WDR17: variants seen among roughly 807,000 people sequenced by gnomAD.
WDR17 encodes WD repeat-containing protein 17.
WDR17 carries 143 observed loss-of-function variants against 161.7 expected under a neutral mutation model. That is an observed-to-expected ratio of 0.88 (90% CI 0.77 to 1.02). WDR17 has a LOEUF of 1.02. Ranked by LOEUF, WDR17 falls within the 50% of genes least tolerant of loss-of-function variation. The pLI is 0.00. For missense variants in WDR17, 1,469 were observed against 1,520.9 expected (o/e 0.97, Z 0.57); for synonymous variants, 517 against 515.6 (o/e 1.00, Z -0.04).
chr4:176,075,947 C>T (rs1733913261), intron 1 of WDR17, among the ~76,000 whole-genome samples: 1 of 151,838 alleles, frequency 6.6e-6, no homozygotes, highest in Non-Finnish European at 1.5e-5. Flanking sequence ...TGTACCCCAG[C>T]CTGAGTGTTG....
At position 176,135,283 on chromosome 4, in the gene WDR17, G is replaced by T; in HGVS notation, c.1267+7G>T. 3.7e-6 allele frequency: 6 copies of T among 1,611,526 alleles called. No homozygotes were observed. Among genetic ancestry groups the T allele is most frequent in the Middle Eastern group, 3.3e-4 (2 of 6,050 alleles). ...TCCCTTTCTTGGGCTCCAGGTAAGA[G>T]ATATTTTATTGAAATTAGGAATACA... On this transcript the variant is annotated splice_region_variant and intron_variant, in intron 8 of 28. Coordinates refer to ENST00000508596, the MANE Select transcript of WDR17 (RefSeq NM_181265.4).
At chr4:176,177,433 T>A in intron 27 of WDR17, 38 bp from the exon 28 acceptor site, 1 of 1,487,176 alleles carries the variant, frequency 6.7e-7, no homozygotes, top group East Asian at 2.3e-5. Context: ...ATTCTGTGAT[T>A]CGACAAAATG....
chr4:176,139,555 C>G (rs562948085), intron 9 of WDR17, among the ~76,000 whole-genome samples: 63 of 152,064 alleles, frequency 4.1e-4, no homozygotes, highest in African/African-American at 1.5e-3. Flanking sequence ...CATCACCATA[C>G]TGGTACTCAT....
chr4:176,087,647 T>C (rs910071470), intron 1 of WDR17, among the ~76,000 whole-genome samples: 1 of 152,110 alleles, frequency 6.6e-6, no homozygotes, highest in East Asian at 1.9e-4. Flanking sequence ...CAGCATACCT[T>C]ATCTGTCTCT....
intron 9 of WDR17, among the ~76,000 whole-genome samples, chr4:176,139,504 TG>T (rs1209415153): frequency 6.6e-6 from 1 of 151,932 alleles, no homozygotes; most frequent in African/African-American, 2.4e-5. Context: ...ATACTGTGGT[TG>T]AAGTAGCACT....
chr4:176,079,572 C>G (rs1342049489), intron 1 of WDR17, among the ~76,000 whole-genome samples: 1 of 152,140 alleles, frequency 6.6e-6, no homozygotes, highest in Non-Finnish European at 1.5e-5. Context: ...TGGAATGTCT[C>G]TATCACCAGA....
chr4:176,066,004 G>A lies in WDR17; in HGVS notation c.-82G>A, dbSNP rs1394613454. On this transcript the variant is annotated 5_prime_UTR_variant, in exon 1 of 29. Coordinates refer to ENST00000508596, the MANE Select transcript of WDR17 (RefSeq NM_181265.4). The stretch of plus-strand genomic sequence containing the variant: ...GGGCGGGGAGGGTCCGCGCGTTGGT[G>A]GTGCTCGCCTCGCAGCTGCGCCCGC... The A allele has an allele frequency of 6.6e-6, 1 of 152,108 alleles. No homozygotes were observed. Among genetic ancestry groups the A allele is most frequent in the Non-Finnish European group, 1.5e-5 (1 of 68,018 alleles). The allele number at this position is 152,108 out of a possible 1,614,324, so 9.4% of individuals were successfully genotyped here.
intron 11 of WDR17, among the ~76,000 whole-genome samples, chr4:176,144,843 T>C (rs551896953): frequency 2.0e-5 from 3 of 152,204 alleles, no homozygotes; most frequent in African/African-American, 2.4e-5. Context: ...TTTAAATCTT[T>C]ATGATATCAT....
At chr4:176,168,551 G>GT in intron 22 of WDR17, 121 bp from the exon 23 acceptor site, 1 of 1,187,130 alleles carries the variant, frequency 8.4e-7, no homozygotes, top group Non-Finnish European at 1.2e-6. Flanking sequence ...TATTAATACT[G>GT]TTTGTGTAAA....
Position 176,177,167 on chromosome 4 carries a change from A to C in WDR17, c.3548+11A>C. ...ACAGTCCACCAACAGGTGAGCAAATATGATATAAAAATTGGAATGCAGAAG... is the reference window on the plus strand; with the variant it reads ...ACAGTCCACCAACAGGTGAGCAAATCTGATATAAAAATTGGAATGCAGAAG... On this transcript the variant is annotated intron_variant, in intron 27 of 28. Coordinates refer to ENST00000508596, the MANE Select transcript of WDR17 (RefSeq NM_181265.4). The C allele has an allele frequency of 1.2e-6, 2 of 1,607,562 alleles. No individual in the cohort carries two copies. The highest frequency in any genetic ancestry group is 1.7e-6 in the Non-Finnish European group (2 of 1,174,662).
chr4:176,072,729 A>G (rs1204943394), intron 1 of WDR17, among the ~76,000 whole-genome samples: 3 of 152,192 alleles, frequency 2.0e-5, no homozygotes, highest in Admixed American at 2.0e-4. Flanking sequence ...CACATAGTAT[A>G]TTTACACTTT....
At chr4:176,167,644 C>CAAAAAAAAAAAAA (rs34187946) in intron 22 of WDR17, among the ~76,000 whole-genome samples, 3 of 23,830 alleles carry the variant, frequency 1.3e-4, no homozygotes, top group African/African-American at 1.6e-4. Context: ...GACTCCGTCT[C>CAAAAAAAAAAAAA]AAAAAAAAAA....
intron 1 of WDR17, among the ~76,000 whole-genome samples, chr4:176,084,776 A>T (rs985866418): frequency 1.4e-5 from 2 of 147,126 alleles, no homozygotes; most frequent in African/African-American, 4.9e-5. Context: ...TATATATTAT[A>T]TATATATATA....
At chr4:176,083,913 T>C (rs773033587) in intron 1 of WDR17, among the ~76,000 whole-genome samples, 2 of 152,166 alleles carry the variant, frequency 1.3e-5, no homozygotes, top group African/African-American at 4.8e-5. Context: ...ATTTCCCTTA[T>C]GACTGGTGTT....
chr4:176,088,569 G>A (rs1394979600), intron 1 of WDR17, among the ~76,000 whole-genome samples: 2 of 152,136 alleles, frequency 1.3e-5, no homozygotes, highest in Non-Finnish European at 2.9e-5. Flanking sequence ...GATTTCTTCA[G>A]GCCTTTCAGA....
At position 176,151,894 on chromosome 4, in the gene WDR17, A is replaced by G; in HGVS notation, c.2387A>G (p.Lys796Arg). 1 of 1,613,548 alleles carries G rather than the reference A, an allele frequency of 6.2e-7. No homozygotes were observed. Among genetic ancestry groups the G allele is most frequent in the Non-Finnish European group, 8.5e-7 (1 of 1,179,792 alleles). Reference sequence around the variant, plus strand: ...GTACCTGCTAAAGAGGAAAGACTGAAGGAAGCTGCTGAAATCCACTTGAGA... The same window carrying G: ...GTACCTGCTAAAGAGGAAAGACTGAGGGAAGCTGCTGAAATCCACTTGAGA... ...IGVPAKEERL[K>R]EAAEIHLRLG... The change falls in exon 17 of 29, where the codon AAG (lysine) becomes AGG (arginine). Residue 796 changes from lysine to arginine, a missense_variant. Lys to Arg is a conservative substitution (Grantham distance 26). Transcript: ENST00000508596.
chr4:176,077,075 G>T (rs1238720999), intron 1 of WDR17, among the ~76,000 whole-genome samples: 4 of 151,150 alleles, frequency 2.6e-5, no homozygotes, highest in African/African-American at 9.7e-5. Context: ...AATACTTTTT[G>T]CTTCCACCTA....
chr4:176,165,358 A>G (rs962126939), intron 22 of WDR17, among the ~76,000 whole-genome samples: 16 of 152,050 alleles, frequency 1.1e-4, no homozygotes, highest in Admixed American at 4.6e-4. Context: ...AACAAGAGTG[A>G]AACTTCGTCT....
intron 22 of WDR17, 25 bp from the exon 23 acceptor site, chr4:176,168,647 G>GTGTC: frequency 6.2e-7 from 1 of 1,612,798 alleles, no homozygotes; most frequent in South Asian, 1.1e-5. Context: ...CCTCAATGAA[G>GTGTC]TGTCCCCTTT....
Sources: gnomAD v4.1 joint callset for allele counts (sites outside exome capture counted in the v4.1 genomes callset) on GRCh38, gnomAD v4.1.1 for gene constraint, MANE v1.5 for transcripts, NCBI Gene and HGNC (gene_info 2026-07-23, HGNC 2026-07-21) for gene names.